TRPC4: variants seen among roughly 807,000 people sequenced by gnomAD.
TRPC4 encodes the protein transient receptor potential cation channel subfamily C member 4.
A neutral mutation model predicts 99.4 loss-of-function variants in TRPC4; 49 were observed. That is an observed-to-expected ratio of 0.49 (90% CI 0.39 to 0.63). The LOEUF is 0.63. Ranked by LOEUF, TRPC4 falls within the 20% of genes least tolerant of loss-of-function variation. The pLI is 0.00. For synonymous variants in TRPC4, 454 were observed against 425.9 expected (o/e 1.07, Z -0.81); for missense variants, 898 against 1,152.9 (o/e 0.78, Z 3.20).
At chr13:37,744,749 T>A (rs983731836) in intron 3 of TRPC4, among the ~76,000 whole-genome samples, 7 of 152,266 alleles carry the variant, frequency 4.6e-5, no homozygotes, top group African/African-American at 1.7e-4. Flanking sequence ...ACATAGCATT[T>A]CCAAGTATTG....
At chr13:37,652,568 T>A (rs904189277) in intron 7 of TRPC4, among the ~76,000 whole-genome samples, 1 of 77,912 alleles carries the variant, frequency 1.3e-5, no homozygotes, top group Admixed American at 1.4e-4. Context: ...AAGCTGCAGT[T>A]TCCCTCCCTT....
At chr13:37,782,603 G>T (rs981867485) in intron 2 of TRPC4, among the ~76,000 whole-genome samples, 22 of 151,924 alleles carry the variant, frequency 1.4e-4, no homozygotes, top group African/African-American at 5.3e-4. Flanking sequence ...AAAATGAAAG[G>T]CAAGAGGAAA....
At chr13:37,688,693 TA>T (rs1953575570) in intron 4 of TRPC4, among the ~76,000 whole-genome samples, 1 of 152,086 alleles carries the variant, frequency 6.6e-6, no homozygotes, top group Non-Finnish European at 1.5e-5. Context: ...TTAGTACAAA[TA>T]AAAAAGTATT....
At chr13:37,735,697 A>T (rs1174771996) in intron 3 of TRPC4, among the ~76,000 whole-genome samples, 1 of 152,200 alleles carries the variant, frequency 6.6e-6, no homozygotes, top group Non-Finnish European at 1.5e-5. Flanking sequence ...GTAGTTTATC[A>T]AAGATATTAT....
rs180878233 is a variant in TRPC4 at position 37,740,321 on chromosome 13, A to G, written c.897+5616T>C. ...AGATATCAGGTAAATCAAGAACATG[A>G]GTGGTGTTTTTAATTTGTTTGTTGA... On this transcript the variant is annotated intron_variant, in intron 3 of 10. Transcript: ENST00000379705. 2.8e-3 allele frequency among the ~76,000 whole-genome samples: 416 copies of G among 151,048 alleles called. 2 individuals are homozygous for G. The highest frequency in any genetic ancestry group is 5.1e-3 in the Non-Finnish European group (346 of 68,004).
At chr13:37,758,455 A>G (rs1220287496) in intron 2 of TRPC4, among the ~76,000 whole-genome samples, 2 of 151,790 alleles carry the variant, frequency 1.3e-5, no homozygotes, top group African/African-American at 2.4e-5. Context: ...AACTCACAAT[A>G]AAGAGTGAAA....
At chr13:37,864,484 T>C (rs1959607269) in intron 1 of TRPC4, among the ~76,000 whole-genome samples, 1 of 151,700 alleles carries the variant, frequency 6.6e-6, no homozygotes, top group African/African-American at 2.4e-5. Flanking sequence ...AGTGCAACAT[T>C]ATCACAATTG....
intron 2 of TRPC4, among the ~76,000 whole-genome samples, chr13:37,762,340 C>T (rs1395123689): frequency 6.6e-6 from 1 of 151,718 alleles, no homozygotes; most frequent in African/African-American, 2.4e-5. Flanking sequence ...CTAGAAATAC[C>T]ATTTGACCCA....
At chr13:37,839,425 A>G (rs2139630494) in intron 1 of TRPC4, among the ~76,000 whole-genome samples, 1 of 152,318 alleles carries the variant, frequency 6.6e-6, no homozygotes, top group Non-Finnish European at 1.5e-5. Flanking sequence ...TCCAGGGTTA[A>G]TCTATGTCTC....
At chr13:37,681,104 C>G (rs775747729) in intron 4 of TRPC4, among the ~76,000 whole-genome samples, 1 of 152,190 alleles carries the variant, frequency 6.6e-6, no homozygotes, top group Non-Finnish European at 1.5e-5. Context: ...GAGCTCAGTA[C>G]AAGTCAACAT....
chr13:37,837,209 G>A (rs1479102297), intron 1 of TRPC4, among the ~76,000 whole-genome samples: 1 of 152,262 alleles, frequency 6.6e-6, no homozygotes. Context: ...CTCTGCTAGG[G>A]CAGTGCAAAA....
chr13:37,672,675 C>G (rs1952893892), intron 5 of TRPC4, among the ~76,000 whole-genome samples: 2 of 152,180 alleles, frequency 1.3e-5, no homozygotes, highest in African/African-American at 4.8e-5. Flanking sequence ...AGAATCATGA[C>G]AGAAGAAGGG....
At position 37,637,385 on chromosome 13, in the gene TRPC4, TTA is replaced by T. The variant is rs1360509579; in HGVS notation, c.2450_2451del (p.Ile817LysfsTer33). The T allele has an allele frequency of 6.2e-7, 1 of 1,613,792 alleles. No homozygotes were observed. The highest frequency in any genetic ancestry group is 8.5e-7 in the Non-Finnish European group (1 of 1,179,884). The part of the protein sequence containing the change: ...SAAIASERHN[I>X]SNGSALVVQE... ...TGAACCACCAGGGCAGAGCCATTGC[TTA>T]TGTTATGTCTTTCAGAGGCAATTGC... On this transcript the variant is annotated frameshift_variant, in exon 11 of 11. Coordinates refer to ENST00000379705, the MANE Select transcript of TRPC4 (RefSeq NM_016179.4). LOFTEE classifies it high-confidence loss of function.
rs551311091 is a variant in TRPC4, at chr13:37,817,494, T to C, written c.-27-34134A>G. On this transcript the variant is annotated intron_variant, in intron 1 of 10. Coordinates refer to ENST00000379705, the MANE Select transcript of TRPC4 (RefSeq NM_016179.4). The stretch of plus-strand genomic sequence containing the variant: ...AATGCTATTCCTATTATACTACCAT[T>C]GAGATTCTTCAGGGTAGTAGAGAGA... Among the ~76,000 whole-genome samples, 14 of 152,076 alleles carry C rather than the reference T, an allele frequency of 9.2e-5. No homozygotes were observed. In the South Asian group the frequency reaches 2.9e-3, roughly 31 times the overall value.
intron 1 of TRPC4, among the ~76,000 whole-genome samples, chr13:37,841,810 T>C (rs1958736801): frequency 6.6e-6 from 1 of 152,156 alleles, no homozygotes; most frequent in African/African-American, 2.4e-5. Flanking sequence ...ATGTTACAAC[T>C]AACTGCTCTA....
At chr13:37,779,781 G>A (rs985998973) in intron 2 of TRPC4, among the ~76,000 whole-genome samples, 1 of 151,930 alleles carries the variant, frequency 6.6e-6, no homozygotes, top group African/African-American at 2.4e-5. Context: ...GTCCAATTTG[G>A]TCTCATAAGT....
At chr13:37,857,839 C>T (rs554350874) in intron 1 of TRPC4, among the ~76,000 whole-genome samples, 1 of 151,740 alleles carries the variant, frequency 6.6e-6, no homozygotes, top group South Asian at 2.1e-4. Context: ...AGAAACGCTT[C>T]AGAACACTGG....
chr13:37,725,584 T>C (rs370170639), intron 3 of TRPC4, among the ~76,000 whole-genome samples: 1 of 152,136 alleles, frequency 6.6e-6, no homozygotes, highest in Non-Finnish European at 1.5e-5. Context: ...TAAGCTGATA[T>C]AGTTAATGTA....
intron 1 of TRPC4, among the ~76,000 whole-genome samples, chr13:37,817,872 T>C (rs530655665): frequency 5.9e-5 from 9 of 152,016 alleles, no homozygotes; most frequent in African/African-American, 1.9e-4. Context: ...TTACACCATA[T>C]AGAAAAATCA....
Sources: allele counts gnomAD v4.1 joint callset (sites outside exome capture counted in the v4.1 genomes callset), GRCh38; gene constraint gnomAD v4.1.1; transcripts MANE v1.5; gene names NCBI Gene and HGNC (gene_info 2026-07-23, HGNC 2026-07-21).